The following SYNPR variants were observed in gnomAD, a reference collection of about 807,000 sequenced individuals.
SYNPR encodes the protein synaptoporin.
SYNPR carries 23 observed loss-of-function variants against 32.9 expected under a neutral mutation model. That is an observed-to-expected ratio of 0.70 (90% confidence interval 0.50 to 0.99). The LOEUF (loss-of-function observed/expected upper bound fraction) is 0.99. Among genes scored for constraint, SYNPR ranks in the 50% least tolerant of loss-of-function variants. SYNPR has a pLI of 0.00. For missense variants in SYNPR, 318 were observed against 349.3 expected (o/e 0.91, Z 0.71); for synonymous variants, 146 against 135.9 (o/e 1.07, Z -0.52).
chr3:63,595,747 A>T (rs1436014577), intron 4 of SYNPR, among the ~76,000 whole-genome samples: 8 of 47,382 alleles, frequency 1.7e-4, no homozygotes, highest in African/African-American at 7.3e-4. Flanking sequence ...ATATATATAT[A>T]TATATATATA....
intron 2 of SYNPR, among the ~76,000 whole-genome samples, chr3:63,332,604 A>G (rs1262070001): frequency 6.6e-6 from 1 of 152,154 alleles, no homozygotes; most frequent in East Asian, 1.9e-4. Context: ...CTTAATAATA[A>G]TGAAACATTT....
chr3:63,374,877 A>C (rs1374831945), intron 2 of SYNPR, among the ~76,000 whole-genome samples: 1 of 152,184 alleles, frequency 6.6e-6, no homozygotes, highest in Non-Finnish European at 1.5e-5. Context: ...AAGGTTTGTC[A>C]AAGATCAGAT....
chr3:63,582,721 A>C (rs1703112676), intron 4 of SYNPR, among the ~76,000 whole-genome samples: 1 of 152,074 alleles, frequency 6.6e-6, no homozygotes, highest in South Asian at 2.1e-4. Flanking sequence ...AATCTCAGCA[A>C]ATCCTTAATG....
In SYNPR at chr3:63,598,693, G is replaced by A. The variant is rs920645751; in HGVS notation, c.409-10432G>A. 2.0e-5 allele frequency among the ~76,000 whole-genome samples: 3 copies of A among 152,140 alleles called. No homozygotes were observed. In the East Asian group the frequency reaches 5.8e-4, roughly 29 times the overall value. ...TCTGACTATTTTTGGGGTTTTATGG[G>A]GACCACATAGAACAAAAGTATGAGC... On this transcript the variant is annotated intron_variant, in intron 4 of 5. Coordinates refer to ENST00000478300, the MANE Select transcript of SYNPR (RefSeq NM_001130003.2).
intron 2 of SYNPR, among the ~76,000 whole-genome samples, chr3:63,385,268 G>A (rs531416246): frequency 1.3e-5 from 2 of 152,120 alleles, no homozygotes; most frequent in African/African-American, 2.4e-5. Context: ...TCTCCTTCCC[G>A]CCCTGCTTCC....
intron 4 of SYNPR, among the ~76,000 whole-genome samples, chr3:63,603,704 A>G (rs1034217348): frequency 6.6e-6 from 1 of 152,322 alleles, no homozygotes; most frequent in South Asian, 2.1e-4. Context: ...CTGCTTGATC[A>G]TGGTGAATTA....
At chr3:63,247,503 G>A (rs192656925) in intron 1 of SYNPR, among the ~76,000 whole-genome samples, 8 of 152,166 alleles carry the variant, frequency 5.3e-5, no homozygotes. Flanking sequence ...ATAAAGTTCA[G>A]TGGTTAGGGC....
chr3:63,578,987 C>A (rs1402744883), intron 4 of SYNPR, among the ~76,000 whole-genome samples: 2 of 152,138 alleles, frequency 1.3e-5, no homozygotes, highest in South Asian at 4.1e-4. Flanking sequence ...AAATCCCCCA[C>A]TAAACTCCAT....
intron 3 of SYNPR, among the ~76,000 whole-genome samples, chr3:63,272,759 A>G (rs1372701584): frequency 1.3e-5 from 2 of 152,232 alleles, no homozygotes; most frequent in Admixed American, 1.3e-4. Context: ...TCCCTGCTAT[A>G]TAAATGGTCA....
At chr3:63,462,019 G>A (rs918007086) in intron 2 of SYNPR, among the ~76,000 whole-genome samples, 4 of 151,942 alleles carry the variant, frequency 2.6e-5, no homozygotes, top group South Asian at 2.1e-4. Flanking sequence ...GACCCATCCC[G>A]TCTTGCCTCA....
intron 2 of SYNPR, among the ~76,000 whole-genome samples, chr3:63,392,271 C>A (rs951241800): frequency 1.3e-5 from 2 of 152,168 alleles, no homozygotes; most frequent in Non-Finnish European, 1.5e-5. Context: ...AGAAATGCTA[C>A]TTCTCTCTGG....
the SYNPR span, among the ~76,000 whole-genome samples, chr3:63,219,169 A>G: frequency 6.6e-6 from 1 of 152,228 alleles, no homozygotes; most frequent in East Asian, 1.9e-4. Context: ...AGAAATGGGT[A>G]TTGACATTTT....
chr3:63,211,581 T>G, the SYNPR span, among the ~76,000 whole-genome samples: 2 of 152,298 alleles, frequency 1.3e-5, no homozygotes, highest in Non-Finnish European at 2.9e-5. Context: ...TGACAAGGAC[T>G]TTAGAGAGCT....
At chr3:63,262,689 A>G (rs1160639806) in intron 2 of SYNPR, among the ~76,000 whole-genome samples, 1 of 152,178 alleles carries the variant, frequency 6.6e-6, no homozygotes, top group Admixed American at 6.5e-5. Context: ...CAGAAGACAG[A>G]GGCAGCCACC....
At chr3:63,475,604 C>T (rs775782565) in intron 2 of SYNPR, among the ~76,000 whole-genome samples, 5 of 152,132 alleles carry the variant, frequency 3.3e-5, no homozygotes, top group African/African-American at 4.8e-5. Flanking sequence ...ATAGCGCGCA[C>T]ACACACCACC....
chr3:63,260,886 A>AC (rs201525741), intron 2 of SYNPR, among the ~76,000 whole-genome samples: 3 of 147,308 alleles, frequency 2.0e-5, no homozygotes, highest in Admixed American at 1.4e-4. Context: ...AAAAAAAAAA[A>AC]CCATCAAAAG....
rs570759816 is a variant in SYNPR at position 63,578,138 on chromosome 3, C to T, written c.408+21397C>T. Among the ~76,000 whole-genome samples, 142 of 152,266 alleles carry T rather than the reference C, an allele frequency of 9.3e-4. 1 individual carries two copies. The highest frequency in any genetic ancestry group is 2.4e-4 in the Non-Finnish European group (16 of 68,018). ...GGCCCAAGATGTGTGCAATCCAAGGCTCAAGCTGGGAATCACCACCTCCTG... is the reference window on the plus strand; with the variant it reads ...GGCCCAAGATGTGTGCAATCCAAGGTTCAAGCTGGGAATCACCACCTCCTG... On this transcript the variant is annotated intron_variant, in intron 4 of 5. Transcript: ENST00000478300.
chr3:63,546,654 A>C (rs1176729972), intron 3 of SYNPR, among the ~76,000 whole-genome samples: 1 of 152,118 alleles, frequency 6.6e-6, no homozygotes, highest in Non-Finnish European at 1.5e-5. Flanking sequence ...AAAATAAAAA[A>C]ATCATTGTCT....
intron 1 of SYNPR, among the ~76,000 whole-genome samples, chr3:63,241,174 T>G (rs2086239211): frequency 6.6e-6 from 1 of 152,014 alleles, no homozygotes; most frequent in African/African-American, 2.4e-5. Flanking sequence ...GGAGCTTGCG[T>G]TGGAAAGGTC....
Sources: gnomAD v4.1 joint callset for allele counts (sites outside exome capture counted in the v4.1 genomes callset) on GRCh38, gnomAD v4.1.1 for gene constraint, MANE v1.5 for transcripts, NCBI Gene and HGNC (gene_info 2026-07-23, HGNC 2026-07-21) for gene names.